The following GKAP1 variants were observed in gnomAD, a reference collection of about 807,000 sequenced individuals.
GKAP1 encodes the protein G kinase-anchoring protein 1.
Under a neutral mutation model 56.7 loss-of-function variants are expected in GKAP1, and 31 were observed. The ratio of observed to expected loss-of-function variants is 0.55; its 90% CI spans 0.41 to 0.74. The LOEUF (loss-of-function observed/expected upper bound fraction) is 0.74. GKAP1 is among the 30% of genes least tolerant of loss of function. The pLI is 0.00. For synonymous variants in GKAP1, 151 were observed against 138.6 expected, an observed-to-expected ratio of 1.09 and a Z score of -0.63; for missense variants, 364 against 402.3, an observed-to-expected ratio of 0.90 and a Z score of 0.82.
At chr9:83,802,972 A>G (rs1472559404) in intron 3 of GKAP1, among the ~76,000 whole-genome samples, 1 of 151,474 alleles carries the variant, frequency 6.6e-6, no homozygotes, top group Non-Finnish European at 1.5e-5. Context: ...AGCCTGGCGT[A>G]GTGGTGTGTG....
rs531820717 is a variant in GKAP1 at position 83,782,825 on chromosome 9, C to T, written c.562+1890G>A. ...GGGATTACAGGCACACGCCACCACACGCCCACCTACTCTTTGTATTTTTAG... is the reference window on the plus strand; with the variant it reads ...GGGATTACAGGCACACGCCACCACATGCCCACCTACTCTTTGTATTTTTAG... On this transcript the variant is annotated intron_variant, in intron 6 of 12. Transcript: ENST00000376371. Among the ~76,000 whole-genome samples the T allele has an allele frequency of 5.9e-5, 9 of 151,478 alleles. No homozygotes were observed. The South Asian group carries it at 8.4e-4, about 14-fold the overall frequency.
chr9:83,740,552 T>G (rs1943190067), intron 12 of GKAP1, among the ~76,000 whole-genome samples: 1 of 152,202 alleles, frequency 6.6e-6, no homozygotes, highest in South Asian at 2.1e-4. Context: ...ATGTATAGTT[T>G]TTCCCATTTT....
chr9:83,762,974 A>C (rs904933014), intron 8 of GKAP1, among the ~76,000 whole-genome samples: 5 of 152,244 alleles, frequency 3.3e-5, no homozygotes, highest in Non-Finnish European at 7.3e-5. Context: ...TATACTGAAG[A>C]GCTATCTGCA....
rs570670664 is a variant in GKAP1 at position 83,756,358 on chromosome 9, A to T, written c.739-2999T>A. Among the ~76,000 whole-genome samples, 35 of 150,966 alleles carry T rather than the reference A, an allele frequency of 2.3e-4. No individual in the cohort carries two copies. In the Middle Eastern group the frequency reaches 0.014, roughly 59 times the overall value. The stretch of plus-strand genomic sequence containing the variant: ...TGGTGGCACATGCCTTCAATCCCAG[A>T]TACTGGAGAAGCTGAGGCACAAGGA... On this transcript the variant is annotated intron_variant, in intron 8 of 12. Coordinates refer to ENST00000376371, the MANE Select transcript of GKAP1 (RefSeq NM_025211.4).
Position 83,739,567 on chromosome 9 carries a change from A to T in GKAP1, c.*130T>A. The T allele has an allele frequency of 1.8e-6, 1 of 553,232 alleles. No individual in the cohort carries two copies. Among genetic ancestry groups the T allele is most frequent in the Non-Finnish European group, 3.2e-6 (1 of 313,642 alleles). 34.3% of individuals were successfully genotyped at this position (553,232 alleles called of 1,614,324 possible). ...AAAAGAAATAAAATTATAGACCATT[A>T]GGGAGCTAGTTGCTTTTAGTTCCTT... On this transcript the variant is annotated 3_prime_UTR_variant, in exon 13 of 13. Transcript: ENST00000376371.
intron 2 of GKAP1, among the ~76,000 whole-genome samples, chr9:83,811,114 T>C (rs939495476): frequency 1.3e-5 from 2 of 152,258 alleles, no homozygotes; most frequent in African/African-American, 2.4e-5. Context: ...ATGGGTGTTC[T>C]TACTATTCTT....
chr9:83,798,043 T>C (rs1944275725), intron 4 of GKAP1, among the ~76,000 whole-genome samples: 1 of 152,248 alleles, frequency 6.6e-6, no homozygotes, highest in African/African-American at 2.4e-5. Context: ...CACTACTGCA[T>C]GGCTCTATAG....
intron 8 of GKAP1, among the ~76,000 whole-genome samples, chr9:83,761,634 C>A (rs1943572826): frequency 6.9e-6 from 1 of 145,208 alleles, no homozygotes; most frequent in Non-Finnish European, 1.5e-5. Context: ...GGGCCAATAT[C>A]TCTGATGAAT....
intron 5 of GKAP1, among the ~76,000 whole-genome samples, chr9:83,787,746 ACTT>A (rs937572072): frequency 2.0e-5 from 3 of 152,220 alleles, no homozygotes; most frequent in Non-Finnish European, 2.9e-5. Context: ...GGAAACCAAC[ACTT>A]CTTTTTACTT....
intron 3 of GKAP1, among the ~76,000 whole-genome samples, 169 bp downstream of exon 3, chr9:83,806,133 C>A (rs1587741702): frequency 6.6e-6 from 1 of 151,674 alleles, no homozygotes; most frequent in East Asian, 1.9e-4. Flanking sequence ...AAAAAAAGAT[C>A]ATTACATTTG....
At chr9:83,793,077 G>T in intron 4 of GKAP1, 1 of 845,518 alleles carries the variant, frequency 1.2e-6, no homozygotes, top group Non-Finnish European at 1.6e-6. Flanking sequence ...CAGTTAAAGA[G>T]TATGAAGAAC....
At chr9:83,762,816 T>C (rs994998273) in intron 8 of GKAP1, among the ~76,000 whole-genome samples, 1 of 152,190 alleles carries the variant, frequency 6.6e-6, no homozygotes, top group Non-Finnish European at 1.5e-5. Flanking sequence ...GTCTCTTCGA[T>C]AAATGGCACT....
At chr9:83,810,223 A>G (rs1472336015) in intron 2 of GKAP1, among the ~76,000 whole-genome samples, 1 of 152,250 alleles carries the variant, frequency 6.6e-6, no homozygotes, top group African/African-American at 2.4e-5. Flanking sequence ...ATGCTTAGAT[A>G]AAAATTGTTT....
chr9:83,792,070 T>A (rs1270635511), intron 4 of GKAP1, among the ~76,000 whole-genome samples: 1 of 152,220 alleles, frequency 6.6e-6, no homozygotes, highest in Non-Finnish European at 1.5e-5. Context: ...TAATTTAAAT[T>A]CCTATTCCAC....
intron 7 of GKAP1, among the ~76,000 whole-genome samples, chr9:83,779,426 CATATATAT>C (rs141709042): frequency 3.2e-5 from 3 of 92,956 alleles, no homozygotes; most frequent in Admixed American, 2.7e-4. Context: ...GGTCAGAAGC[CATATATAT>C]ATATATATAT....
chr9:83,746,763 G>T (rs1257110276), intron 10 of GKAP1, among the ~76,000 whole-genome samples: 1 of 151,988 alleles, frequency 6.6e-6, no homozygotes, highest in Non-Finnish European at 1.5e-5. Flanking sequence ...TACCTAATAT[G>T]GCATAAATGC....
intron 10 of GKAP1, among the ~76,000 whole-genome samples, chr9:83,746,642 G>T (rs756788565): frequency 1.6e-4 from 25 of 152,082 alleles, no homozygotes; most frequent in Non-Finnish European, 2.9e-4. Context: ...GGCGGAGCTT[G>T]CAGTGAGCGC....
At chr9:83,772,349 A>C (rs1038393309) in intron 7 of GKAP1, among the ~76,000 whole-genome samples, 2 of 152,170 alleles carry the variant, frequency 1.3e-5, no homozygotes, top group Non-Finnish European at 2.9e-5. Flanking sequence ...TTTATTAAGG[A>C]TATAAGAGTG....
rs1346383642 is a variant in GKAP1 at position 83,780,371 on chromosome 9, A to G, written c.585+11T>C. 5 of 1,385,914 alleles carry G rather than the reference A, an allele frequency of 3.6e-6. No homozygotes were observed. The highest frequency in any genetic ancestry group is 2.4e-5 in the East Asian group (1 of 40,966). The allele number at this position is 1,385,914 out of a possible 1,614,324, so 85.9% of individuals were successfully genotyped here. A position where few individuals can be genotyped will look rare whatever the true frequency, so the allele number is the denominator to read the frequency against. On this transcript the variant is annotated intron_variant, in intron 7 of 12. Transcript: ENST00000376371. ...CAGTGTTTTCTACAAGATGGCTACA[A>G]TAAGACTTACCTCAGTCTTTTTACT...
Sources: allele counts gnomAD v4.1 joint callset (sites outside exome capture counted in the v4.1 genomes callset), GRCh38; gene constraint gnomAD v4.1.1; transcripts MANE v1.5; gene names NCBI Gene and HGNC (gene_info 2026-07-23, HGNC 2026-07-21).